Variants in MLLT3 observed in about 807,000 individuals in gnomAD.
The protein encoded by MLLT3 is protein AF-9.
In MLLT3, 4 loss-of-function variants were observed where a neutral mutation model predicts 53.2. The observed-to-expected ratio is 0.08, with a 90% CI of 0.04 to 0.17. The LOEUF (loss-of-function observed/expected upper bound fraction) is 0.17. Among genes scored for constraint, MLLT3 ranks in the 10% least tolerant of loss-of-function variants. The pLI is 1.00. For synonymous variants in MLLT3, 283 were observed against 230.6 expected, an observed-to-expected ratio of 1.23 and a Z score of -2.06; for missense variants, 569 against 684.0, an observed-to-expected ratio of 0.83 and a Z score of 1.87.
chr9:20,539,686 G>C (rs2119009218), intron 2 of MLLT3, among the ~76,000 whole-genome samples: 1 of 152,198 alleles, frequency 6.6e-6, no homozygotes, highest in South Asian at 2.1e-4. Context: ...TTCAACATGA[G>C]ATTTGGGTGG....
At chr9:20,359,657 A>C (rs1436425739) in intron 8 of MLLT3, among the ~76,000 whole-genome samples, 1 of 152,258 alleles carries the variant, frequency 6.6e-6, no homozygotes, top group African/African-American at 2.4e-5. Flanking sequence ...ATGCAAAAAG[A>C]AAAAGTCTTC....
chr9:20,402,165 A>G (rs1031999380), intron 5 of MLLT3, among the ~76,000 whole-genome samples: 6 of 152,214 alleles, frequency 3.9e-5, no homozygotes, highest in African/African-American at 1.4e-4. Flanking sequence ...AAGTAAGTCA[A>G]AAGTGCCAGT....
Position 20,621,786 on chromosome 9 carries a change from G to A in MLLT3, c.12+459C>T, listed in dbSNP as rs1475773968. 3 of 1,470,618 alleles carry A rather than the reference G, an allele frequency of 2.0e-6. No homozygotes were observed. The highest frequency in any genetic ancestry group is 1.5e-5 in the African/African-American group (1 of 67,654). 91.1% of individuals were successfully genotyped at this position (1,470,618 alleles called of 1,614,324 possible). A position where few individuals can be genotyped will look rare whatever the true frequency, so the allele number is the denominator to read the frequency against. On this transcript the variant is annotated intron_variant, in intron 1 of 10. Transcript: ENST00000380338. This position sits in a 1 kb window ranked among gnomAD's most constrained non-coding sequence, Gnocchi z 7.0. Reference sequence around the variant, plus strand: ...CGGAGAACGCACCATCGTAGCGGCCGCGGCGCTTTGCGGAGGTGCGGCCGC... The same window carrying A: ...CGGAGAACGCACCATCGTAGCGGCCACGGCGCTTTGCGGAGGTGCGGCCGC...
intron 10 of MLLT3, among the ~76,000 whole-genome samples, chr9:20,350,360 C>A (rs1820980574): frequency 6.6e-6 from 1 of 152,138 alleles, no homozygotes; most frequent in East Asian, 1.9e-4. Flanking sequence ...CTTTGGGAGG[C>A]CAAGGCGGGC....
intron 2 of MLLT3, among the ~76,000 whole-genome samples, chr9:20,473,986 T>G (rs1463852653): frequency 6.6e-6 from 1 of 152,124 alleles, no homozygotes; most frequent in Non-Finnish European, 1.5e-5. Flanking sequence ...ATCAAATGCC[T>G]ACAGACTTGG....
chr9:20,401,839 G>T (rs1822464650), intron 5 of MLLT3, among the ~76,000 whole-genome samples: 1 of 152,140 alleles, frequency 6.6e-6, no homozygotes, highest in South Asian at 2.1e-4. Flanking sequence ...AAGAATAAGA[G>T]GATAATGGAT....
intron 2 of MLLT3, among the ~76,000 whole-genome samples, chr9:20,548,823 AT>A (rs11448186): frequency 1.1e-3 from 162 of 146,514 alleles, no homozygotes; most frequent in South Asian, 3.9e-3. Flanking sequence ...TTGCTCAAAG[AT>A]TTTTTTTTTT....
At chr9:20,519,642 G>T (rs990437474) in intron 2 of MLLT3, among the ~76,000 whole-genome samples, 1 of 152,026 alleles carries the variant, frequency 6.6e-6, no homozygotes, top group African/African-American at 2.4e-5. Context: ...CAAAACCACA[G>T]TGAGAAACCA....
intron 2 of MLLT3, among the ~76,000 whole-genome samples, chr9:20,503,770 C>A (rs1336746118): frequency 4.6e-5 from 7 of 152,120 alleles, no homozygotes; most frequent in African/African-American, 1.4e-4. Flanking sequence ...AGACAACCTG[C>A]AGCCTGGAAA....
At chr9:20,440,195 A>G (rs1823508807) in intron 4 of MLLT3, among the ~76,000 whole-genome samples, 1 of 152,188 alleles carries the variant, frequency 6.6e-6, no homozygotes, top group Non-Finnish European at 1.5e-5. Flanking sequence ...CCTAAGCCCA[A>G]GGTAAATTAG....
At chr9:20,416,891 G>A (rs1822885178) in intron 4 of MLLT3, among the ~76,000 whole-genome samples, 2 of 152,096 alleles carry the variant, frequency 1.3e-5, no homozygotes, top group South Asian at 4.1e-4. Flanking sequence ...CATGACCAAT[G>A]TCAAAGTTCA....
chr9:20,542,236 A>ATTTTTTTTTTTTTTTTTTTT lies in MLLT3; in HGVS notation c.193+78417_193+78418insAAAAAAAAAAAAAAAAAAAA, dbSNP rs1563809276. 1.5e-5 allele frequency among the ~76,000 whole-genome samples: 2 copies of ATTTTTTTTTTTTTTTTTTTT among 136,770 alleles called. 1 individual carries two copies. 89.7% of individuals were successfully genotyped at this position (136,770 alleles called of 152,430 possible). On this transcript the variant is annotated intron_variant, in intron 2 of 10. Coordinates refer to ENST00000380338, the MANE Select transcript of MLLT3 (RefSeq NM_004529.4). ...CCAGGCACATGGTCAATGAGCAGTA[A>ATTTTTTTTTTTTTTTTTTTT]TATTTTTTTTTTTTTTTTTTTTTTT...
At chr9:20,518,201 C>T (rs977972222) in intron 2 of MLLT3, among the ~76,000 whole-genome samples, 12 of 151,986 alleles carry the variant, frequency 7.9e-5, no homozygotes, top group African/African-American at 2.7e-4. Flanking sequence ...AAAAATTAGC[C>T]GGGCGTGGTG....
At chr9:20,512,027 A>G (rs1202793089) in intron 2 of MLLT3, among the ~76,000 whole-genome samples, 1 of 152,234 alleles carries the variant, frequency 6.6e-6, no homozygotes, top group Non-Finnish European at 1.5e-5. Flanking sequence ...AGCAATAAAA[A>G]GAAAAAAGCC....
At position 20,448,269 on chromosome 9, in the gene MLLT3, G is replaced by A. The variant is rs1823754384; in HGVS notation, c.277-3C>T. On this transcript the variant is annotated splice_polypyrimidine_tract_variant and splice_region_variant and intron_variant, in intron 3 of 10. Coordinates refer to ENST00000380338, the MANE Select transcript of MLLT3 (RefSeq NM_004529.4). The surrounding 1 kb of genome is among the most constrained non-coding windows in gnomAD (Gnocchi z 4.0). ...AAGCGGACTTTCCTAGGTTCTTCCT[G>A]GAGGTTAACAAAAATTATGAAAGAA... 3 of 1,608,622 alleles carry A rather than the reference G, an allele frequency of 1.9e-6. No individual in the cohort carries two copies. Among genetic ancestry groups the A allele is most frequent in the East Asian group, 2.2e-5 (1 of 44,814 alleles).
intron 2 of MLLT3, among the ~76,000 whole-genome samples, chr9:20,505,073 G>T (rs1303714171): frequency 6.6e-6 from 1 of 152,166 alleles, no homozygotes; most frequent in Non-Finnish European, 1.5e-5. Flanking sequence ...CCAATTTAGT[G>T]ACTGATGGCT....
intron 2 of MLLT3, among the ~76,000 whole-genome samples, chr9:20,528,574 C>A (rs920805738): frequency 6.6e-6 from 1 of 152,244 alleles, no homozygotes; most frequent in Non-Finnish European, 1.5e-5. Flanking sequence ...AGAATCTGTT[C>A]TTTGCCTTTT....
chr9:20,527,860 A>G (rs1413087741), intron 2 of MLLT3, among the ~76,000 whole-genome samples: 3 of 152,248 alleles, frequency 2.0e-5, no homozygotes, highest in Non-Finnish European at 4.4e-5. Flanking sequence ...GAATGACACC[A>G]TTAATTCTGT....
At chr9:20,470,170 T>G (rs1295631970) in intron 2 of MLLT3, among the ~76,000 whole-genome samples, 1 of 151,740 alleles carries the variant, frequency 6.6e-6, no homozygotes, top group Non-Finnish European at 1.5e-5. Flanking sequence ...CATATACTTC[T>G]CACTGTGTAC....
Sources: allele counts gnomAD v4.1 joint callset (sites outside exome capture counted in the v4.1 genomes callset), GRCh38; gene constraint gnomAD v4.1.1; non-coding constraint Gnocchi (gnomAD v3.1); transcripts MANE v1.5; gene names NCBI Gene and HGNC (gene_info 2026-07-23, HGNC 2026-07-21).